Variants in PIKFYVE observed in about 807,000 individuals in gnomAD.
PIKFYVE encodes the protein phosphoinositide kinase, FYVE-type zinc finger containing, also known as 1-phosphatidylinositol 3-phosphate 5-kinase.
A neutral mutation model predicts 257.9 loss-of-function variants in PIKFYVE; 122 were observed. That is an observed-to-expected ratio of 0.47 (90% CI 0.41 to 0.55). The LOEUF (loss-of-function observed/expected upper bound fraction) is 0.55, where lower values mean the gene tolerates loss of function less well. PIKFYVE is among the 20% of genes least tolerant of loss of function. The pLI is 0.00. For synonymous variants in PIKFYVE, 892 were observed against 868.9 expected (o/e 1.03, Z -0.47); for missense variants, 2,160 against 2,536.6 (o/e 0.85, Z 3.19).
At position 208,317,790 on chromosome 2, in the gene PIKFYVE, G is replaced by T. The variant is rs528899976; in HGVS notation, c.2008-77G>T. ...CATAATAGTTTAAAAAAAATGGAAA[G>T]AAATAATAGCGTACATCTAACTAGA... On this transcript the variant is annotated intron_variant, in intron 15 of 41. Coordinates refer to ENST00000264380, the MANE Select transcript of PIKFYVE (RefSeq NM_015040.4). 130 of 1,352,074 alleles carry T rather than the reference G, an allele frequency of 9.6e-5. No homozygotes were observed. In the African/African-American group the frequency reaches 1.8e-3, roughly 18 times the overall value. The allele number at this position is 1,352,074 out of a possible 1,614,324, so 83.8% of individuals were successfully genotyped here. A position where few individuals can be genotyped will look rare whatever the true frequency, so the allele number is the denominator to read the frequency against.
chr2:208,275,001 A>G lies in PIKFYVE; in HGVS notation c.322+1268A>G, dbSNP rs573145856. ...CTTGAACTTTAATATCTCCAGGTGGAGCCTTTACTGTCTAGTTTCCTTACT... is the reference window on the plus strand; with the variant it reads ...CTTGAACTTTAATATCTCCAGGTGGGGCCTTTACTGTCTAGTTTCCTTACT... On this transcript the variant is annotated intron_variant, in intron 3 of 41. Coordinates refer to ENST00000264380, the MANE Select transcript of PIKFYVE (RefSeq NM_015040.4). Among the ~76,000 whole-genome samples the G allele has an allele frequency of 9.2e-5, 14 of 152,286 alleles. No individual in the cohort carries two copies. In the East Asian group the frequency reaches 2.7e-3, roughly 29 times the overall value.
intron 17 of PIKFYVE, among the ~76,000 whole-genome samples, chr2:208,322,703 T>A (rs4558527): frequency 0.79 from 118,732 of 150,064 alleles, 47,920 homozygotes; most frequent in East Asian, 0.96. Context: ...ATATATATAT[T>A]TTTTTTATTA....
At chr2:208,342,515 AG>A in intron 31 of PIKFYVE, 38 bp from the exon 32 acceptor site, 1 of 1,439,032 alleles carries the variant, frequency 6.9e-7, no homozygotes, top group Non-Finnish European at 9.8e-7. Context: ...TTAACTCTAG[AG>A]TACTTAGTTA....
At chr2:208,353,853 T>G in intron 39 of PIKFYVE, 45 bp from the exon 40 acceptor site, 1 of 1,609,046 alleles carries the variant, frequency 6.2e-7, no homozygotes, top group Non-Finnish European at 8.5e-7. Flanking sequence ...ACTAATCATT[T>G]GTGGCAACCT....
intron 22 of PIKFYVE, 64 bp from the exon 23 acceptor site, chr2:208,330,458 CT>C: frequency 6.3e-7 from 1 of 1,593,526 alleles, no homozygotes; most frequent in Non-Finnish European, 8.6e-7. Context: ...TCATGCTGCA[CT>C]TTGACAGTGG....
intron 9 of PIKFYVE, among the ~76,000 whole-genome samples, chr2:208,301,950 G>A (rs1313821585): frequency 6.6e-6 from 1 of 152,168 alleles, no homozygotes; most frequent in East Asian, 1.9e-4. Flanking sequence ...TTTAAAATCT[G>A]TTAAGTATAG....
chr2:208,322,185 G>A (rs1696320773), intron 17 of PIKFYVE, among the ~76,000 whole-genome samples: 1 of 151,744 alleles, frequency 6.6e-6, no homozygotes, highest in Admixed American at 6.6e-5. Context: ...TTCAAGACCA[G>A]CCTGGGTAAC....
chr2:208,324,462 A>C (rs1696680567), intron 18 of PIKFYVE, among the ~76,000 whole-genome samples, 180 bp downstream of exon 18: 1 of 152,190 alleles, frequency 6.6e-6, no homozygotes, highest in African/African-American at 2.4e-5. Context: ...AACTGGAAGA[A>C]AGTATAATTG....
At chr2:208,312,437 T>C in intron 13 of PIKFYVE, 142 bp downstream of exon 13, 1 of 689,226 alleles carries the variant, frequency 1.5e-6, no homozygotes, top group Non-Finnish European at 2.5e-6. Context: ...CAGTTTTTAA[T>C]ATATATAATG....
In PIKFYVE at chr2:208,355,296, G is replaced by A. The variant is rs765031093; in HGVS notation, c.6288G>A (p.Leu2096=). The change falls in exon 42 of 42, where the codon CTG becomes CTA. Residue 2096 remains leucine, a synonymous_variant. Coordinates refer to ENST00000264380, the MANE Select transcript of PIKFYVE (RefSeq NM_015040.4). ...MVPDHWTGLG[L]NC Reference sequence around the variant, plus strand: ...CAGACCACTGGACAGGCTTGGGTCTGAATTGCTGAAATCAAGCACATATTT... The same window carrying A: ...CAGACCACTGGACAGGCTTGGGTCTAAATTGCTGAAATCAAGCACATATTT... 2.0e-5 allele frequency: 33 copies of A among 1,612,362 alleles called. No individual in the cohort carries two copies. In the South Asian group the frequency reaches 3.4e-4, roughly 17 times the overall value.
chr2:208,329,749 A>G, intron 21 of PIKFYVE, 93 bp from the exon 22 acceptor site: 3 of 1,548,900 alleles, frequency 1.9e-6, no homozygotes, highest in Non-Finnish European at 2.6e-6. Flanking sequence ...TGTAAGTACC[A>G]TACATTTAAT....
intron 17 of PIKFYVE, among the ~76,000 whole-genome samples, chr2:208,323,325 T>C (rs1453484875): frequency 1.5e-5 from 2 of 134,100 alleles, no homozygotes; most frequent in Non-Finnish European, 3.2e-5. Flanking sequence ...GTGTTCTCAT[T>C]GTTCAATTCC....
At chr2:208,303,761 A>G (rs1694005473) in intron 10 of PIKFYVE, among the ~76,000 whole-genome samples, 1 of 152,188 alleles carries the variant, frequency 6.6e-6, no homozygotes, top group Non-Finnish European at 1.5e-5. Flanking sequence ...TCGAAAGTCA[A>G]TGGTTAGAAG....
At chr2:208,309,809 G>A (rs1480905625) in intron 12 of PIKFYVE, among the ~76,000 whole-genome samples, 3 of 152,284 alleles carry the variant, frequency 2.0e-5, no homozygotes, top group Middle Eastern at 3.4e-3. Context: ...TGGGTGATGC[G>A]TTATATAGAC....
intron 39 of PIKFYVE, 24 bp from the exon 40 acceptor site, chr2:208,353,874 G>T: frequency 4.3e-6 from 7 of 1,612,754 alleles, no homozygotes; most frequent in South Asian, 2.2e-5. Context: ...GTACATAAAT[G>T]ACAAAGCATT....
At chr2:208,343,325 A>T (rs1179356546) in intron 32 of PIKFYVE, among the ~76,000 whole-genome samples, 4 of 152,116 alleles carry the variant, frequency 2.6e-5, no homozygotes, top group African/African-American at 9.7e-5. Flanking sequence ...TCTTTTTTGT[A>T]CCATTCACTC....
At chr2:208,300,070 A>C (rs1693493702) in intron 8 of PIKFYVE, among the ~76,000 whole-genome samples, 1 of 152,204 alleles carries the variant, frequency 6.6e-6, no homozygotes, top group Non-Finnish European at 1.5e-5. Flanking sequence ...GGTAGAAATA[A>C]GATCAGTGGG....
chr2:208,283,045 G>C (rs886118117), intron 5 of PIKFYVE, among the ~76,000 whole-genome samples: 1 of 152,102 alleles, frequency 6.6e-6, no homozygotes, highest in Non-Finnish European at 1.5e-5. Flanking sequence ...CTGCTTGCTC[G>C]CCACTCACCT....
intron 14 of PIKFYVE, 109 bp downstream of exon 14, chr2:208,314,532 T>A: frequency 7.9e-7 from 1 of 1,259,604 alleles, no homozygotes; most frequent in Admixed American, 2.3e-5. Flanking sequence ...TCTTTTTCCT[T>A]AGAAAGTAAA....
Sources: gnomAD v4.1 joint callset for allele counts (sites outside exome capture counted in the v4.1 genomes callset) on GRCh38, gnomAD v4.1.1 for gene constraint, MANE v1.5 for transcripts, NCBI Gene and HGNC (gene_info 2026-07-23, HGNC 2026-07-21) for gene names.